Variants in SLC71A1 observed in about 807,000 individuals in gnomAD.
SLC71A1 encodes the protein solute carrier family 71 member 1, also known as hippocampus abundant gene transcript 1.
chr1:100,067,904 T>G, the SLC71A1 span: 1 of 1,129,700 alleles, frequency 8.9e-7, no homozygotes, highest in East Asian at 2.4e-5. Flanking sequence ...AAATCAAGAT[T>G]ATGAAAGGAG....
At chr1:100,081,960 A>G in the SLC71A1 span, 5 of 1,477,198 alleles carry the variant, frequency 3.4e-6, no homozygotes, top group African/African-American at 2.8e-5. Flanking sequence ...CTTATGAGTA[A>G]AAGTATTTGT....
the SLC71A1 span, chr1:100,078,415 G>A: frequency 4.4e-6 from 6 of 1,361,922 alleles, no homozygotes; most frequent in Non-Finnish European, 6.3e-6. Context: ...CAGTGGAGAA[G>A]AATTTACTGT....
the SLC71A1 span, chr1:100,059,883 G>A: frequency 1.2e-6 from 2 of 1,607,360 alleles, no homozygotes. Context: ...TTTAGGGTTT[G>A]TTGTCATTCC....
At chr1:100,044,764 C>T in the SLC71A1 span, among the ~76,000 whole-genome samples, 62 of 152,180 alleles carry the variant, frequency 4.1e-4, no homozygotes, top group Admixed American at 2.4e-3. Context: ...GTGATCCACC[C>T]GCCTTGGCCT....
At chr1:100,065,653 T>C in the SLC71A1 span, among the ~76,000 whole-genome samples, 2 of 150,284 alleles carry the variant, frequency 1.3e-5, no homozygotes, top group South Asian at 2.1e-4. Flanking sequence ...TTTTTCTTTT[T>C]CTTTCCTTTT....
chr1:100,042,415 G>T, the SLC71A1 span, among the ~76,000 whole-genome samples: 1 of 152,024 alleles, frequency 6.6e-6, no homozygotes, highest in South Asian at 2.1e-4. Flanking sequence ...AATTAAATAG[G>T]AGTCAGCAAC....
the SLC71A1 span, among the ~76,000 whole-genome samples, chr1:100,041,935 AAG>A: frequency 8.6e-5 from 13 of 150,676 alleles, no homozygotes; most frequent in Middle Eastern, 3.4e-3. Context: ...AAAAAAAAAA[AAG>A]AAGTTTTTAG....
chr1:100,046,218 T>TG, the SLC71A1 span, among the ~76,000 whole-genome samples: 4 of 76,446 alleles, frequency 5.2e-5, no homozygotes, highest in Admixed American at 1.1e-4. Context: ...CCTCGTTTTT[T>TG]TTTTTTTTTT....
the SLC71A1 span, among the ~76,000 whole-genome samples, chr1:100,059,198 GGCTGGAGT>G: frequency 8.2e-4 from 101 of 122,574 alleles, no homozygotes; most frequent in African/African-American, 3.0e-3. Context: ...CTGTCACCCA[GGCTGGAGT>G]GCAAGTGGCA....
chr1:100,047,218 T>C, the SLC71A1 span, among the ~76,000 whole-genome samples: 1 of 152,238 alleles, frequency 6.6e-6, no homozygotes, highest in Non-Finnish European at 1.5e-5. Context: ...TTTATCATAT[T>C]GAGGTATGTT....
At chr1:100,057,792 G>A in the SLC71A1 span, among the ~76,000 whole-genome samples, 2 of 152,250 alleles carry the variant, frequency 1.3e-5, no homozygotes, top group African/African-American at 4.8e-5. Flanking sequence ...AGTATATTTA[G>A]CATAATGTTT....
the SLC71A1 span, among the ~76,000 whole-genome samples, chr1:100,061,040 T>C: frequency 1.3e-5 from 2 of 152,110 alleles, no homozygotes; most frequent in Non-Finnish European, 2.9e-5. Flanking sequence ...ACATGAAATC[T>C]TACCAAAAAT....
At chr1:100,081,964 T>C in the SLC71A1 span, 3 of 1,490,494 alleles carry the variant, frequency 2.0e-6, no homozygotes, top group Non-Finnish European at 2.8e-6. Context: ...TGAGTAAAAG[T>C]ATTTGTGTAA....
chr1:100,058,869 A>T, the SLC71A1 span: 1 of 474,946 alleles, frequency 2.1e-6, no homozygotes. Context: ...TTATAATTAG[A>T]TGGAGTATAT....
chr1:100,049,105 C>T, the SLC71A1 span, among the ~76,000 whole-genome samples: 1 of 152,164 alleles, frequency 6.6e-6, no homozygotes, highest in Non-Finnish European at 1.5e-5. Flanking sequence ...CTTTTAGATG[C>T]GCTTTGCTTC....
chr1:100,066,727 C>G, the SLC71A1 span, among the ~76,000 whole-genome samples: 2 of 152,064 alleles, frequency 1.3e-5, no homozygotes, highest in Non-Finnish European at 2.9e-5. Flanking sequence ...TGGTGGCTCA[C>G]GCCTGTAATC....
chr1:100,055,746 T>G, the SLC71A1 span, among the ~76,000 whole-genome samples: 2 of 152,012 alleles, frequency 1.3e-5, no homozygotes, highest in Non-Finnish European at 2.9e-5. Flanking sequence ...TTTTAGGTTT[T>G]GTTTTGTTTT....
chr1:100,038,460 G>A, the SLC71A1 span: 6 of 697,898 alleles, frequency 8.6e-6, no homozygotes, highest in African/African-American at 3.6e-5. Context: ...TCGGGGTCGC[G>A]GACCCGCATG....
At chr1:100,073,457 C>T in the SLC71A1 span, among the ~76,000 whole-genome samples, 2 of 152,130 alleles carry the variant, frequency 1.3e-5, no homozygotes, top group East Asian at 3.8e-4. Flanking sequence ...TTGCTGTCAG[C>T]CTTGCTTGGG....
Sources: gnomAD v4.1 joint callset for allele counts (sites outside exome capture counted in the v4.1 genomes callset) on GRCh38, gnomAD v4.1.1 for gene constraint, MANE v1.5 for transcripts, NCBI Gene and HGNC (gene_info 2026-07-23, HGNC 2026-07-21) for gene names.